Variants in PDE4B observed in about 807,000 individuals in gnomAD.
The protein encoded by PDE4B is phosphodiesterase 4B.
A neutral mutation model predicts 82.2 loss-of-function variants in PDE4B; 20 were observed. That is an observed-to-expected ratio of 0.24 (90% confidence interval 0.17 to 0.35). The LOEUF (loss-of-function observed/expected upper bound fraction) is 0.35. PDE4B is among the 10% of genes least tolerant of loss of function. PDE4B has a pLI of 1.00. For missense variants in PDE4B, 655 were observed against 907.2 expected (o/e 0.72, Z 3.57); for synonymous variants, 320 against 318.9 (o/e 1.00, Z -0.04).
rs7513458 is a variant in PDE4B at position 65,922,544 on chromosome 1, T to C, written c.281+3709T>C. On this transcript the variant is annotated intron_variant, in intron 3 of 16. Transcript: ENST00000341517. ...TCTGTGGGCAAGTGGGTTCCTAATA[T>C]TGAAACCTATAATTGCATAGATGCT... Among the ~76,000 whole-genome samples the C allele has an allele frequency of 6.4e-3, 982 of 152,270 alleles. 13 individuals are homozygous for C. Among genetic ancestry groups the C allele is most frequent in the African/African-American group, 0.021 (893 of 41,552 alleles).
intron 1 of PDE4B, among the ~76,000 whole-genome samples, chr1:65,853,530 CT>C (rs145185072): frequency 0.036 from 5,192 of 144,666 alleles, 94 homozygotes; most frequent in African/African-American, 0.066. Flanking sequence ...CATTATAACC[CT>C]TTTTTTTTTT....
intron 7 of PDE4B, chr1:66,267,492 T>C (rs1000298374): frequency 6.6e-6 from 1 of 152,242 alleles, no homozygotes; most frequent in African/African-American, 2.4e-5. Context: ...TTTCTTGTAA[T>C]AAATACTGAC....
At chr1:65,991,323 C>T (rs755153775) in intron 3 of PDE4B, among the ~76,000 whole-genome samples, 2 of 152,082 alleles carry the variant, frequency 1.3e-5, no homozygotes, top group Admixed American at 6.5e-5. Context: ...TCAACTGATC[C>T]GCCTGCCTCG....
intron 7 of PDE4B, among the ~76,000 whole-genome samples, chr1:66,297,560 G>T (rs1657597961): frequency 6.6e-6 from 1 of 152,014 alleles, no homozygotes; most frequent in South Asian, 2.1e-4. Flanking sequence ...CAAGAGAGCG[G>T]TTTTACCTTG....
intron 3 of PDE4B, among the ~76,000 whole-genome samples, chr1:65,998,010 G>A (rs1348147442): frequency 6.6e-6 from 1 of 151,960 alleles, no homozygotes. Flanking sequence ...GGTATTTTTT[G>A]GCCAAGGGAG....
chr1:66,006,320 C>A, intron 3 of PDE4B, among the ~76,000 whole-genome samples: 1 of 152,114 alleles, frequency 6.6e-6, no homozygotes, highest in East Asian at 1.9e-4. Flanking sequence ...TGATTACAAC[C>A]AACAGATATT....
At chr1:65,938,474 C>T (rs1381448312) in intron 3 of PDE4B, among the ~76,000 whole-genome samples, 1 of 152,132 alleles carries the variant, frequency 6.6e-6, no homozygotes, top group African/African-American at 2.4e-5. Context: ...ACTAATGATG[C>T]TTTATTCAAA....
rs888163489 is a variant in PDE4B, at chr1:66,301,032, T to A, written c.635-31476T>A. On this transcript the variant is annotated intron_variant, in intron 7 of 16. Coordinates refer to ENST00000341517, the MANE Select transcript of PDE4B (RefSeq NM_002600.4). ...GCGAAAAAGAGTCAGTATGTATGTG[T>A]GTGTGTGTTTACACATATGAGCATG... Among the ~76,000 whole-genome samples the A allele has an allele frequency of 2.6e-5, 4 of 152,192 alleles. No homozygotes were observed. The East Asian group carries it at 7.7e-4, about 29-fold the overall frequency.
intron 3 of PDE4B, among the ~76,000 whole-genome samples, chr1:66,066,648 T>C (rs754631769): frequency 3.9e-5 from 6 of 151,958 alleles, no homozygotes; most frequent in Admixed American, 6.6e-5. Flanking sequence ...CTTTCTTCAT[T>C]CTGGCTTAAA....
chr1:65,799,578 T>C (rs913159149), intron 1 of PDE4B, among the ~76,000 whole-genome samples: 1 of 152,212 alleles, frequency 6.6e-6, no homozygotes, highest in African/African-American at 2.4e-5. Flanking sequence ...CTGTTTTGTG[T>C]TATACTCATG....
intron 3 of PDE4B, among the ~76,000 whole-genome samples, chr1:65,951,225 C>T (rs77024117): frequency 0.04 from 6,121 of 152,172 alleles, 347 homozygotes; most frequent in African/African-American, 0.13. Context: ...CTTTCAGATA[C>T]GTTGTCACAT....
rs1204555449 is a variant in PDE4B, at chr1:66,372,611, A to G, written c.2144A>G (p.Asn715Ser). Residue 715 changes from asparagine to serine, a missense_variant, in exon 17 of 17, where the codon AAC (asparagine) becomes AGC (serine). By Grantham distance (46) the Asn-to-Ser change is conservative. Around this residue, in one of 3 missense-constraint regions of PDE4B, gnomAD observed 119 missense variants for 115.2 expected, o/e 1.03. Transcript: ENST00000341517. Reference protein sequence around the residue: ...TKTLCVIDPENRDSLGETDID... With the variant: ...TKTLCVIDPESRDSLGETDID... ...ACGCTTTGTGTGATTGATCCAGAAA[A>G]CAGAGATTCCCTGGGAGAGACTGAC... 1.9e-6 allele frequency: 3 copies of G among 1,614,160 alleles called. No homozygotes were observed. Among genetic ancestry groups the G allele is most frequent in the East Asian group, 2.2e-5 (1 of 44,884 alleles).
intron 7 of PDE4B, among the ~76,000 whole-genome samples, chr1:66,315,408 T>C (rs886776379): frequency 5.9e-5 from 9 of 152,222 alleles, no homozygotes; most frequent in African/African-American, 2.2e-4. Flanking sequence ...ATTTCACCTG[T>C]TCATAAGGCA....
At chr1:65,939,205 A>T (rs1021838593) in intron 3 of PDE4B, among the ~76,000 whole-genome samples, 20 of 152,166 alleles carry the variant, frequency 1.3e-4, no homozygotes, top group Non-Finnish European at 2.5e-4. Flanking sequence ...AGAAAACTCC[A>T]CAGATGCAGC....
intron 7 of PDE4B, among the ~76,000 whole-genome samples, chr1:66,331,283 T>C (rs971889759): frequency 3.3e-5 from 5 of 152,262 alleles, no homozygotes; most frequent in African/African-American, 1.2e-4. Flanking sequence ...TAGTGCCTAT[T>C]GTGTGTTTGT....
intron 4 of PDE4B, among the ~76,000 whole-genome samples, chr1:66,248,213 A>T (rs1653478961): frequency 2.0e-5 from 3 of 152,268 alleles, no homozygotes; most frequent in East Asian, 3.9e-4. Flanking sequence ...AGCACTGCTG[A>T]TATTTTTGTT....
chr1:65,912,384 C>A (rs1480933269), intron 1 of PDE4B, among the ~76,000 whole-genome samples: 2 of 152,044 alleles, frequency 1.3e-5, no homozygotes, highest in Admixed American at 1.3e-4. Flanking sequence ...CACCTTTTAC[C>A]CCCCTCCCAC....
chr1:66,347,211 A>G (rs904483586), intron 8 of PDE4B, among the ~76,000 whole-genome samples: 4 of 152,200 alleles, frequency 2.6e-5, no homozygotes, highest in African/African-American at 7.2e-5. Context: ...CTTGAGGTGC[A>G]TTGTTGTTCA....
chr1:65,868,254 C>T (rs1173283309), intron 1 of PDE4B, among the ~76,000 whole-genome samples: 1 of 152,208 alleles, frequency 6.6e-6, no homozygotes, highest in Non-Finnish European at 1.5e-5. Context: ...CTATCATCAT[C>T]TCTCATTTAT....
Sources: gnomAD v4.1 joint callset for allele counts (sites outside exome capture counted in the v4.1 genomes callset) on GRCh38, gnomAD v4.1.1 for gene constraint, gnomAD v4.1.1 regional missense constraint, MANE v1.5 for transcripts, NCBI Gene and HGNC (gene_info 2026-07-23, HGNC 2026-07-21) for gene names.